Variants in HMGXB4 observed in about 807,000 individuals in gnomAD.
The protein encoded by HMGXB4 is HMG-box containing 4.
A neutral mutation model predicts 63.9 loss-of-function variants in HMGXB4; 27 were observed. The ratio of observed to expected loss-of-function variants is 0.42; its 90% confidence interval spans 0.31 to 0.58. HMGXB4 has a LOEUF of 0.58. Ranked by LOEUF, HMGXB4 falls within the 20% of genes least tolerant of loss-of-function variation. The pLI, the probability that HMGXB4 is intolerant of heterozygous loss-of-function variation, is 0.13. For missense variants in HMGXB4, 624 were observed against 700.7 expected (o/e 0.89, Z 1.24); for synonymous variants, 264 against 265.3 (o/e 0.99, Z 0.05).
At chr22:35,247,492 C>A in the HMGXB4 span, among the ~76,000 whole-genome samples, 1 of 152,334 alleles carries the variant, frequency 6.6e-6, no homozygotes, top group Admixed American at 6.5e-5. Context: ...AACTGTCTTT[C>A]CAGTTAGCGC....
At chr22:35,245,699 T>C in the HMGXB4 span, among the ~76,000 whole-genome samples, 91,422 of 151,930 alleles carry the variant, frequency 0.6, 29,540 homozygotes, top group Non-Finnish European at 0.73. Flanking sequence ...GATACCACTC[T>C]AGCAGGGCAA....
intron 5 of HMGXB4, among the ~76,000 whole-genome samples, chr22:35,282,340 C>A (rs1300732520): frequency 6.6e-6 from 1 of 152,132 alleles, no homozygotes; most frequent in Non-Finnish European, 1.5e-5. Context: ...CCATGCCCGG[C>A]TAATTTTTTA....
upstream of HMGXB4, among the ~76,000 whole-genome samples, chr22:35,256,934 TCTAA>T (rs1388871967): frequency 6.6e-6 from 1 of 152,242 alleles, no homozygotes; most frequent in African/African-American, 2.4e-5. Flanking sequence ...GAAGACTGTT[TCTAA>T]CTAAAAAATG....
the HMGXB4 span, among the ~76,000 whole-genome samples, chr22:35,245,159 A>C: frequency 1.3e-5 from 2 of 152,286 alleles, no homozygotes; most frequent in Admixed American, 6.5e-5. Context: ...GCTGTGAGCC[A>C]CTGCACCCGG....
At chr22:35,246,001 G>A in the HMGXB4 span, among the ~76,000 whole-genome samples, 1 of 152,158 alleles carries the variant, frequency 6.6e-6, no homozygotes, top group Admixed American at 6.5e-5. Context: ...ACAGGGAGGG[G>A]TGGCTAATTA....
At chr22:35,279,585 G>C (rs1405510857) in intron 5 of HMGXB4, among the ~76,000 whole-genome samples, 1 of 151,140 alleles carries the variant, frequency 6.6e-6, no homozygotes, top group African/African-American at 2.4e-5. Context: ...CTGTGTTACT[G>C]TCTGGGAGTT....
At position 35,263,084 on chromosome 22, in the gene HMGXB4, T is replaced by C; in HGVS notation, c.38T>C (p.Phe13Ser). 1.2e-6 allele frequency: 2 copies of C among 1,613,646 alleles called. No homozygotes were observed. The highest frequency in any genetic ancestry group is 3.3e-5 in the Admixed American group (2 of 59,822). ...ATAAACCTGTGCTTCTCAGATTGTTTTGATGGTGATCATACCTTTGAGGAC... is the reference window on the plus strand; with the variant it reads ...ATAAACCTGTGCTTCTCAGATTGTTCTGATGGTGATCATACCTTTGAGGAC... The part of the protein sequence containing the change: ...YDDSVKKEDC[F>S]DGDHTFEDIG... Residue 13 changes from phenylalanine to serine, a missense_variant, in exon 3 of 11, where the codon TTT (phenylalanine) becomes TCT (serine). Phe to Ser is a radical substitution (Grantham distance 155). Coordinates refer to ENST00000216106, the MANE Select transcript of HMGXB4 (RefSeq NM_001003681.3).
chr22:35,293,127 T>A lies in HMGXB4; in HGVS notation c.1761+13T>A, dbSNP rs773318985. 6.2e-7 allele frequency: 1 copy of A among 1,614,210 alleles called. No individual in the cohort carries two copies. On this transcript the variant is annotated intron_variant, in intron 10 of 10. Coordinates refer to ENST00000216106, the MANE Select transcript of HMGXB4 (RefSeq NM_001003681.3). The stretch of plus-strand genomic sequence containing the variant: ...CAAACAGGTCTTGGTGAGTTTTCCC[T>A]GGATTTTTAGAGTCAGATCCATTGG...
chr22:35,262,980 T>C (rs1368099111), intron 2 of HMGXB4, 98 bp from the exon 3 acceptor site: 1 of 1,140,210 alleles, frequency 8.8e-7, no homozygotes, highest in Non-Finnish European at 1.3e-6. Flanking sequence ...TTGTTTTAAT[T>C]TGGAAATAGA....
rs760260091 is a variant in HMGXB4, at chr22:35,265,604, G to A, written c.1215+1G>A. The A allele has an allele frequency of 1.9e-6, 3 of 1,559,420 alleles. No individual in the cohort carries two copies. The highest frequency in any genetic ancestry group is 2.8e-5 in the African/African-American group (2 of 72,292). ...CAAAGAGAGAGAGAGAGGAGAAAAG[G>A]TAAAGCATCTTTTAAGTGTGGTGGG... On this transcript the variant is annotated splice_donor_variant, in intron 5 of 10. Coordinates refer to ENST00000216106, the MANE Select transcript of HMGXB4 (RefSeq NM_001003681.3). LOFTEE classifies it high-confidence loss of function.
intron 5 of HMGXB4, among the ~76,000 whole-genome samples, chr22:35,271,587 C>G (rs780255608): frequency 6.6e-6 from 1 of 152,140 alleles, no homozygotes; most frequent in African/African-American, 2.4e-5. Flanking sequence ...ACAACTCCAT[C>G]TCTAAGTTGA....
chr22:35,247,522 C>T, the HMGXB4 span, among the ~76,000 whole-genome samples: 2 of 152,206 alleles, frequency 1.3e-5, no homozygotes, highest in African/African-American at 2.4e-5. Context: ...CCATGCTCTG[C>T]GTGTGAATGC....
intron 9 of HMGXB4, among the ~76,000 whole-genome samples, chr22:35,290,678 A>G (rs1326655767): frequency 6.8e-6 from 1 of 147,018 alleles, no homozygotes; most frequent in Non-Finnish European, 1.5e-5. Flanking sequence ...ATTGGCAGTT[A>G]TTCCCCATTC....
intron 5 of HMGXB4, among the ~76,000 whole-genome samples, chr22:35,283,689 C>G (rs1371776535): frequency 1.3e-5 from 2 of 152,142 alleles, no homozygotes; most frequent in African/African-American, 4.8e-5. Context: ...ACTCAGAAGG[C>G]TGAGGCAGGA....
the HMGXB4 span, among the ~76,000 whole-genome samples, chr22:35,250,510 C>T: frequency 1.3e-5 from 2 of 152,186 alleles, no homozygotes; most frequent in Non-Finnish European, 1.5e-5. Context: ...AGCACCAAGC[C>T]ATTCATGAGG....
chr22:35,279,440 CTT>C (rs200703332), intron 5 of HMGXB4, among the ~76,000 whole-genome samples: 1,723 of 152,036 alleles, frequency 0.011, 17 homozygotes, highest in Non-Finnish European at 0.018. Flanking sequence ...CGCCCGGTGT[CTT>C]TTTATTTTTT....
intron 1 of HMGXB4, chr22:35,261,815 A>T (rs1446903398): frequency 6.6e-6 from 1 of 152,326 alleles, no homozygotes; most frequent in Non-Finnish European, 1.5e-5. Context: ...AAAGATATTT[A>T]ACATCCCTAT....
chr22:35,260,419 AC>A (rs896524573), intron 1 of HMGXB4, among the ~76,000 whole-genome samples: 1 of 152,166 alleles, frequency 6.6e-6, no homozygotes, highest in African/African-American at 2.4e-5. Context: ...TTTCCCTTCT[AC>A]CTGCACCCCT....
intron 5 of HMGXB4, among the ~76,000 whole-genome samples, chr22:35,267,144 G>A (rs990252763): frequency 6.7e-5 from 1 of 14,856 alleles, no homozygotes; most frequent in Admixed American, 1.1e-3. Context: ...GTATGTGTGT[G>A]TGTATATATA....
Sources: allele counts gnomAD v4.1 joint callset (sites outside exome capture counted in the v4.1 genomes callset), GRCh38; gene constraint gnomAD v4.1.1; transcripts MANE v1.5; gene names NCBI Gene and HGNC (gene_info 2026-07-23, HGNC 2026-07-21).